The following TPCN1 variants were observed in gnomAD, a reference collection of about 807,000 sequenced individuals.
The protein encoded by TPCN1 is two pore segment channel 1.
Under a neutral mutation model 108.8 loss-of-function variants are expected in TPCN1, and 52 were observed. The observed-to-expected ratio is 0.48, with a 90% CI of 0.38 to 0.60. The LOEUF is 0.60. Ranked by LOEUF, TPCN1 falls within the 20% of genes least tolerant of loss-of-function variation. The pLI is 0.00. For missense variants in TPCN1, 806 were observed against 1,072.8 expected (o/e 0.75, Z 3.47); for synonymous variants, 446 against 433.7 (o/e 1.03, Z -0.35).
intron 14 of TPCN1, among the ~76,000 whole-genome samples, chr12:113,279,387 ATATATTTTTTTT>A (rs1955806945): frequency 5.1e-5 from 1 of 19,650 alleles, no homozygotes; most frequent in Non-Finnish European, 7.7e-5. Context: ...ATATATATAT[ATATATTTTTTTT>A]TTTTTTTTTT....
Position 113,277,352 on chromosome 12 carries a change from C to G in TPCN1, c.1172C>G (p.Thr391Arg), listed in dbSNP as rs760215623. The change falls in exon 12 of 28, where the codon ACA becomes AGA. Residue 391 changes from threonine to arginine, a missense_variant. Transcript: ENST00000335509. ...TTCAAGGCCCTGAATCAGAACAACA[C>G]ACCCCTGCTCAGGTAAGAGCAGATG... is the stretch of plus-strand genomic sequence containing the variant. ...LTFKALNQNN[T>R]PLLSLKDFYD... is the part of the protein sequence containing the mutation. The G allele has an allele frequency of 7.4e-6, 12 of 1,614,040 alleles. No individual in the cohort carries two copies. The Admixed American group carries it at 2.0e-4, about 27-fold the overall frequency.
chr12:113,278,125 G>C (rs1955735271), intron 12 of TPCN1, 64 bp from the exon 13 acceptor site: 3 of 1,473,050 alleles, frequency 2.0e-6, no homozygotes, highest in Non-Finnish European at 2.8e-6. Context: ...AGGCAAGTAA[G>C]AGAAGCAAAG....
In TPCN1 at chr12:113,296,813, C is replaced by G. The variant is rs1237819212; in HGVS notation, c.*737C>G. 6.6e-6 allele frequency: 1 copy of G among 152,292 alleles called. No homozygotes were observed. The highest frequency in any genetic ancestry group is 1.5e-5 in the Non-Finnish European group (1 of 68,098). The allele number at this position is 152,292 out of a possible 1,614,324, so 9.4% of individuals were successfully genotyped here. The stretch of plus-strand genomic sequence containing the variant: ...AGTGGCCTCCTTGGGGACCCAGAAC[C>G]CGGAGGAAGGGGCATGAGGCAGGAA... On this transcript the variant is annotated 3_prime_UTR_variant, in exon 28 of 28. Transcript: ENST00000335509.
At chr12:113,275,641 C>T (rs1019959755) in intron 10 of TPCN1, among the ~76,000 whole-genome samples, 2 of 151,228 alleles carry the variant, frequency 1.3e-5, no homozygotes, top group Admixed American at 6.6e-5. Flanking sequence ...GGCGCGATCT[C>T]GGCTCACTAC....
chr12:113,272,779 T>C lies in TPCN1; in HGVS notation c.783+87T>C. On this transcript the variant is annotated intron_variant, in intron 8 of 27. Coordinates refer to ENST00000335509, the MANE Select transcript of TPCN1 (RefSeq NM_017901.6). This position sits in a 1 kb window ranked among gnomAD's most constrained non-coding sequence, Gnocchi z 4.1. ...TCACCGGCGTGACCCTGTGGCCATA[T>C]GGGGAAGGGGGGGCCTGCCTGGTTT... The C allele has an allele frequency of 1.5e-6, 2 of 1,352,432 alleles. No homozygotes were observed. The highest frequency in any genetic ancestry group is 2.1e-6 in the Non-Finnish European group (2 of 942,656). The allele number at this position is 1,352,432 out of a possible 1,614,324, so 83.8% of individuals were successfully genotyped here.
At chr12:113,247,276 G>T (rs571892356) in intron 2 of TPCN1, among the ~76,000 whole-genome samples, 16 of 152,280 alleles carry the variant, frequency 1.1e-4, no homozygotes, top group Non-Finnish European at 1.8e-4. Context: ...GCAAGCAGGG[G>T]CTCATTCTCC....
rs1248219345 is a variant in TPCN1, at chr12:113,244,766, G to C, written c.113-15602G>C. The C allele has an allele frequency of 9.1e-6, 9 of 985,170 alleles. No individual in the cohort carries two copies. The African/African-American group carries it at 1.4e-4, about 15-fold the overall frequency. The allele number at this position is 985,170 out of a possible 1,614,324, so 61.0% of individuals were successfully genotyped here. A position where few individuals can be genotyped will look rare whatever the true frequency, so the allele number is the denominator to read the frequency against. On this transcript the variant is annotated intron_variant, in intron 2 of 27. Coordinates refer to ENST00000335509, the MANE Select transcript of TPCN1 (RefSeq NM_017901.6). Reference sequence around the variant, plus strand: ...TTTGTGAGTATTCGCATTTGTTTCTGAGATGCTGGGAGCACGGTTGGCACT... The same window carrying C: ...TTTGTGAGTATTCGCATTTGTTTCTCAGATGCTGGGAGCACGGTTGGCACT...
chr12:113,241,073 G>T (rs1324919654), intron 2 of TPCN1, among the ~76,000 whole-genome samples: 1 of 152,126 alleles, frequency 6.6e-6, no homozygotes, highest in Non-Finnish European at 1.5e-5. Flanking sequence ...CTTTAGGGTG[G>T]CTTCTTGATT....
rs1006686894 is a variant in TPCN1 at position 113,284,093 on chromosome 12, G to A, written c.1343-488G>A. On this transcript the variant is annotated intron_variant, in intron 15 of 27. Coordinates refer to ENST00000335509, the MANE Select transcript of TPCN1 (RefSeq NM_017901.6). This position sits in a 1 kb window ranked among gnomAD's most constrained non-coding sequence, Gnocchi z 4.1. The stretch of plus-strand genomic sequence containing the variant: ...AGTGTTTTGCTATCACAATAGTGCT[G>A]CGGTGAGTAGCTTTCAGATACATCT... 6.6e-6 allele frequency among the ~76,000 whole-genome samples: 1 copy of A among 152,244 alleles called. No homozygotes were observed. The highest frequency in any genetic ancestry group is 2.4e-5 in the African/African-American group (1 of 41,466).
intron 25 of TPCN1, 128 bp from the exon 26 acceptor site, chr12:113,292,806 C>A: frequency 2.8e-6 from 3 of 1,055,576 alleles, no homozygotes; most frequent in Non-Finnish European, 4.1e-6. Context: ...AGCAGGACAC[C>A]AATGCAGTGT....
intron 2 of TPCN1, among the ~76,000 whole-genome samples, chr12:113,257,250 G>A (rs1248182722): frequency 1.3e-5 from 2 of 152,188 alleles, no homozygotes; most frequent in African/African-American, 4.8e-5. Flanking sequence ...CCAACACTTT[G>A]GGAGGCCGAG....
chr12:113,288,777 A>C lies in TPCN1; in HGVS notation c.1726A>C (p.Ile576Leu). ...RMASLGLTLL[I>L]FYYSFAIVGM... ...CCACAGCCTGGGCCTCACCCTGCTC[A>C]TCTTTTACTACTCCTTCGCCATCGT... The change falls in exon 21 of 28, where the codon ATC (isoleucine) becomes CTC (leucine). Residue 576 changes from isoleucine (I) to leucine (L), a missense_variant. By Grantham distance (5) the Ile-to-Leu change is conservative. Coordinates refer to ENST00000335509, the MANE Select transcript of TPCN1 (RefSeq NM_017901.6). The surrounding 1 kb of genome is among the most constrained non-coding windows in gnomAD (Gnocchi z 4.8). 1 of 1,613,060 alleles carries C rather than the reference A, an allele frequency of 6.2e-7. No individual in the cohort carries two copies. Among genetic ancestry groups the C allele is most frequent in the Non-Finnish European group, 8.5e-7 (1 of 1,180,002 alleles).
intron 2 of TPCN1, among the ~76,000 whole-genome samples, chr12:113,258,979 AT>A (rs111501174): frequency 0.034 from 4,836 of 140,930 alleles, 111 homozygotes; most frequent in African/African-American, 0.09. Context: ...AAAACATTAG[AT>A]TTTTTTTTTT....
intron 26 of TPCN1, 67 bp from the exon 27 acceptor site, chr12:113,293,202 A>G: frequency 6.2e-7 from 1 of 1,605,094 alleles, no homozygotes; most frequent in Admixed American, 1.7e-5. Context: ...GGGAGACGCC[A>G]ACTGTGGCAC....
chr12:113,240,586 G>A (rs61943592), intron 2 of TPCN1, among the ~76,000 whole-genome samples: 8,839 of 152,152 alleles, frequency 0.058, 360 homozygotes, highest in Middle Eastern at 0.071. Context: ...CCTTTCCTCC[G>A]TTCTCACATT....
At chr12:113,264,336 C>T (rs908308755) in intron 3 of TPCN1, among the ~76,000 whole-genome samples, 2 of 152,172 alleles carry the variant, frequency 1.3e-5, no homozygotes, top group Non-Finnish European at 2.9e-5. Context: ...GGAAGTGACT[C>T]ACTCACAGTC....
chr12:113,291,631 C>T lies in TPCN1; in HGVS notation c.1982C>T (p.Ser661Phe), dbSNP rs2136766188. 1 of 1,613,400 alleles carries T rather than the reference C, an allele frequency of 6.2e-7. No homozygotes were observed. The highest frequency in any genetic ancestry group is 8.5e-7 in the Non-Finnish European group (1 of 1,179,806). The change falls in exon 24 of 28, where the codon TCC becomes TTC. Residue 661 changes from serine to phenylalanine, a missense_variant. Ser to Phe is a radical substitution (Grantham distance 155, BLOSUM62 -2). Coordinates refer to ENST00000335509, the MANE Select transcript of TPCN1 (RefSeq NM_017901.6). ...IIMEGVTSQT[S>F]HWSRLYFMTF... ...CAGGAAGGCGTCACCTCTCAGACCT[C>T]CCACTGGAGCCGCCTCTACTTCATG... is the stretch of plus-strand genomic sequence containing the variant.
chr12:113,291,102 C>A, intron 23 of TPCN1, 104 bp downstream of exon 23: 1 of 1,154,988 alleles, frequency 8.7e-7, no homozygotes, highest in Non-Finnish European at 1.3e-6. Flanking sequence ...GCTTGCAGGG[C>A]TGGGGGTCTT....
intron 27 of TPCN1, among the ~76,000 whole-genome samples, chr12:113,293,612 T>C (rs1304575728): frequency 3.3e-5 from 5 of 152,168 alleles, no homozygotes; most frequent in Admixed American, 3.3e-4. Flanking sequence ...CAGAACCTCC[T>C]CTCCATCTCT....
Sources: gnomAD v4.1 joint callset for allele counts (sites outside exome capture counted in the v4.1 genomes callset) on GRCh38, gnomAD v4.1.1 for gene constraint, Gnocchi (gnomAD v3.1) non-coding constraint, MANE v1.5 for transcripts, NCBI Gene and HGNC (gene_info 2026-07-23, HGNC 2026-07-21) for gene names.